The following GRIP1 variants were observed in gnomAD, a reference collection of about 807,000 sequenced individuals.
GRIP1 encodes glutamate receptor interacting protein 1.
A neutral mutation model predicts 129.9 loss-of-function variants in GRIP1; 45 were observed. The observed-to-expected ratio is 0.35, with a 90% CI of 0.27 to 0.44. The LOEUF is 0.44. GRIP1 is among the 20% of genes least tolerant of loss of function. The pLI, the probability that GRIP1 is intolerant of heterozygous loss-of-function variation, is 1.00. For missense variants in GRIP1, 1,196 were observed against 1,396.8 expected, an observed-to-expected ratio of 0.86 and a Z score of 2.29; for synonymous variants, 530 against 520.8, an observed-to-expected ratio of 1.02 and a Z score of -0.24.
intron 1 of GRIP1, among the ~76,000 whole-genome samples, chr12:66,821,167 C>G (rs905645595): frequency 4.6e-5 from 7 of 152,028 alleles, no homozygotes; most frequent in African/African-American, 1.7e-4. Context: ...CAAAGCTACT[C>G]CAAAATATAA....
intron 1 of GRIP1, among the ~76,000 whole-genome samples, chr12:66,881,202 GA>G (rs2040472891): frequency 6.6e-6 from 1 of 151,792 alleles, no homozygotes; most frequent in Non-Finnish European, 1.5e-5. Flanking sequence ...GAAAAAAAGA[GA>G]AAAAGGTTTT....
At chr12:66,799,181 T>C (rs1444739116) in intron 1 of GRIP1, among the ~76,000 whole-genome samples, 1 of 151,178 alleles carries the variant, frequency 6.6e-6, no homozygotes, top group South Asian at 2.1e-4. Context: ...TTATTCCATA[T>C]AGAAAAAAAT....
At chr12:66,683,371 A>G (rs1192040952), upstream of GRIP1, among the ~76,000 whole-genome samples, 1 of 152,042 alleles carries the variant, frequency 6.6e-6, no homozygotes, top group Non-Finnish European at 1.5e-5. Context: ...ACTGAACAGA[A>G]CTCGCCAGTA....
chr12:66,502,143 G>A (rs2060410136), intron 7 of GRIP1, among the ~76,000 whole-genome samples: 1 of 152,148 alleles, frequency 6.6e-6, no homozygotes, highest in South Asian at 2.1e-4. Context: ...CAGGTCCAGA[G>A]ACAGAATAGT....
chr12:66,441,248 C>A (rs889351676), intron 13 of GRIP1, among the ~76,000 whole-genome samples: 1 of 152,170 alleles, frequency 6.6e-6, no homozygotes, highest in Admixed American at 6.5e-5. Context: ...GAAATTCTTT[C>A]TTTGGCTTCC....
chr12:66,945,883 G>A (rs746283589), intron 1 of GRIP1, among the ~76,000 whole-genome samples: 1 of 152,104 alleles, frequency 6.6e-6, no homozygotes, highest in South Asian at 2.1e-4. Flanking sequence ...TGGAGTCTTA[G>A]GTGCTGTGGC....
intron 1 of GRIP1, among the ~76,000 whole-genome samples, chr12:66,796,197 C>T (rs571122686): frequency 4.7e-4 from 71 of 152,138 alleles, no homozygotes; most frequent in African/African-American, 1.7e-3. Flanking sequence ...TAACTATGTC[C>T]CCTTTGGCCA....
At chr12:66,858,995 A>C (rs2040053988) in intron 1 of GRIP1, among the ~76,000 whole-genome samples, 1 of 151,966 alleles carries the variant, frequency 6.6e-6, no homozygotes, top group Non-Finnish European at 1.5e-5. Context: ...ACCCATCATG[A>C]CTAGGCTTTT....
At chr12:66,649,906 T>C (rs936928051) in intron 1 of GRIP1, among the ~76,000 whole-genome samples, 2 of 152,232 alleles carry the variant, frequency 1.3e-5, no homozygotes, top group African/African-American at 4.8e-5. Flanking sequence ...TTCTATGTTA[T>C]GAACCAAAGT....
At chr12:66,709,301 C>A (rs559258580) in intron 1 of GRIP1, among the ~76,000 whole-genome samples, 54 of 152,014 alleles carry the variant, frequency 3.6e-4, no homozygotes, top group African/African-American at 1.3e-3. Context: ...CAAAAGCACT[C>A]TTATGAAAAG....
chr12:66,787,991 G>A (rs2038408259), intron 1 of GRIP1, among the ~76,000 whole-genome samples: 1 of 151,918 alleles, frequency 6.6e-6, no homozygotes, highest in South Asian at 2.1e-4. Flanking sequence ...TTAGATTTTG[G>A]CTTCTGTCAC....
intron 1 of GRIP1, among the ~76,000 whole-genome samples, chr12:67,029,885 T>C (rs1199248753): frequency 1.3e-5 from 2 of 151,820 alleles, no homozygotes; most frequent in African/African-American, 2.4e-5. Flanking sequence ...TTTTATCTAC[T>C]AATGTCCAAT....
intron 5 of GRIP1, among the ~76,000 whole-genome samples, chr12:66,523,727 G>C (rs1242432145): frequency 1.3e-5 from 2 of 152,116 alleles, no homozygotes; most frequent in Non-Finnish European, 2.9e-5. Flanking sequence ...AGAAGACACA[G>C]ACTGGCAAAT....
intron 2 of GRIP1, among the ~76,000 whole-genome samples, chr12:66,588,659 C>T (rs143936638): frequency 3.4e-4 from 51 of 152,168 alleles, no homozygotes; most frequent in African/African-American, 1.2e-3. Context: ...TTTAGACAAG[C>T]GACTTTAGCT....
chr12:67,048,442 G>A (rs372390573), intron 1 of GRIP1, among the ~76,000 whole-genome samples: 20 of 152,070 alleles, frequency 1.3e-4, no homozygotes, highest in African/African-American at 4.6e-4. Context: ...ATATGTAAAC[G>A]TATACATATA....
intron 15 of GRIP1, among the ~76,000 whole-genome samples, chr12:66,411,493 T>C (rs758299897): frequency 1.4e-4 from 21 of 152,006 alleles, no homozygotes; most frequent in Non-Finnish European, 2.5e-4. Flanking sequence ...ACCTCAAAGA[T>C]TGAGGGTAGA....
intron 1 of GRIP1, among the ~76,000 whole-genome samples, chr12:67,049,037 G>C (rs1592514347): frequency 6.6e-6 from 1 of 152,100 alleles, no homozygotes; most frequent in East Asian, 1.9e-4. Flanking sequence ...TGCTGCCCAG[G>C]CTGGTCTCAA....
intron 1 of GRIP1, among the ~76,000 whole-genome samples, chr12:66,835,312 A>G (rs558161279): frequency 2.0e-5 from 3 of 152,332 alleles, no homozygotes; most frequent in African/African-American, 7.2e-5. Context: ...CATTTGACAT[A>G]GCAATCCCAG....
intron 1 of GRIP1, among the ~76,000 whole-genome samples, chr12:67,067,801 G>A (rs1351124961): frequency 6.6e-6 from 1 of 152,098 alleles, no homozygotes; most frequent in East Asian, 1.9e-4. Flanking sequence ...TCACCAAACT[G>A]CTGCATTAAG....
Sources: gnomAD v4.1 joint callset for allele counts (sites outside exome capture counted in the v4.1 genomes callset) on GRCh38, gnomAD v4.1.1 for gene constraint, MANE v1.5 for transcripts, NCBI Gene and HGNC (gene_info 2026-07-23, HGNC 2026-07-21) for gene names.